Variants in SRD5A2 observed in about 807,000 individuals in gnomAD.
SRD5A2 encodes steroid 5 alpha-reductase 2, also known as 3-oxo-5-alpha-steroid 4-dehydrogenase 2.
SRD5A2 carries 30 observed loss-of-function variants against 27.4 expected under a neutral mutation model. The ratio of observed to expected loss-of-function variants is 1.10; its 90% CI spans 0.82 to 1.49. The LOEUF (loss-of-function observed/expected upper bound fraction) is 1.49, where lower values mean the gene tolerates loss of function less well. Ranked by LOEUF, SRD5A2 falls within the 40% of genes most tolerant of loss-of-function variation. The pLI is 0.00. For synonymous variants in SRD5A2, 141 were observed against 133.6 expected (o/e 1.06, Z -0.38); for missense variants, 348 against 323.4 (o/e 1.08, Z -0.58).
At chr2:31,545,125 A>G (rs28745302) in intron 1 of SRD5A2, among the ~76,000 whole-genome samples, 25,867 of 151,792 alleles carry the variant, frequency 0.17, 2,947 homozygotes, top group African/African-American at 0.33. Context: ...AATTCTACCA[A>G]TAGTAGAAAT....
At chr2:31,618,753 G>A in the SRD5A2 span, among the ~76,000 whole-genome samples, 1 of 152,028 alleles carries the variant, frequency 6.6e-6, no homozygotes, top group Non-Finnish European at 1.5e-5. Flanking sequence ...ATAAGTTTCA[G>A]TAATATATTA....
upstream of SRD5A2, among the ~76,000 whole-genome samples, chr2:31,583,825 C>A (rs975573058): frequency 6.6e-6 from 1 of 151,786 alleles, no homozygotes; most frequent in African/African-American, 2.4e-5. Flanking sequence ...AGGTTTATAT[C>A]GACAGATCCC....
At chr2:31,557,288 TC>T (rs1666517980) in intron 1 of SRD5A2, among the ~76,000 whole-genome samples, 1 of 152,150 alleles carries the variant, frequency 6.6e-6, no homozygotes, top group Non-Finnish European at 1.5e-5. Flanking sequence ...TTTTAAGGGT[TC>T]CCCCAGATGA....
chr2:31,556,625 G>A (rs2148084282), intron 1 of SRD5A2, among the ~76,000 whole-genome samples: 1 of 152,278 alleles, frequency 6.6e-6, no homozygotes, highest in East Asian at 1.9e-4. Context: ...AATGCCAATA[G>A]CCACCAGAAG....
chr2:31,554,352 T>C (rs919668483), intron 1 of SRD5A2, among the ~76,000 whole-genome samples: 1 of 152,206 alleles, frequency 6.6e-6, no homozygotes, highest in Non-Finnish European at 1.5e-5. Context: ...CAGATGGTAC[T>C]TGCCCTACCT....
chr2:31,542,893 G>A (rs888522282), intron 1 of SRD5A2, among the ~76,000 whole-genome samples: 1 of 151,902 alleles, frequency 6.6e-6, no homozygotes, highest in Non-Finnish European at 1.5e-5. Context: ...AAGAAATAAT[G>A]GTGAAAAATT....
intron 1 of SRD5A2, among the ~76,000 whole-genome samples, chr2:31,575,685 T>C (rs1666944901): frequency 6.6e-6 from 1 of 152,202 alleles, no homozygotes; most frequent in South Asian, 2.1e-4. Context: ...GGAATATCTC[T>C]CCGAATTCAA....
At chr2:31,627,847 T>C in the SRD5A2 span, among the ~76,000 whole-genome samples, 1 of 152,114 alleles carries the variant, frequency 6.6e-6, no homozygotes, top group Non-Finnish European at 1.5e-5. Flanking sequence ...GTAAGTATGA[T>C]TTTTTTGTTG....
intron 1 of SRD5A2, among the ~76,000 whole-genome samples, chr2:31,580,168 TC>T (rs1667041319): frequency 6.6e-6 from 1 of 152,080 alleles, no homozygotes; most frequent in African/African-American, 2.4e-5. Context: ...TCTCCCAAGA[TC>T]CCAGAACTAA....
intron 1 of SRD5A2, among the ~76,000 whole-genome samples, chr2:31,551,710 A>G (rs910744254): frequency 3.3e-5 from 5 of 152,172 alleles, no homozygotes; most frequent in Non-Finnish European, 5.9e-5. Context: ...TTCAGGGACC[A>G]TCTGTATACA....
At chr2:31,544,465 A>C (rs2148074282) in intron 1 of SRD5A2, among the ~76,000 whole-genome samples, 1 of 152,098 alleles carries the variant, frequency 6.6e-6, no homozygotes. Flanking sequence ...TTAATGGATC[A>C]AAAGAGAAAG....
At chr2:31,622,725 T>C in the SRD5A2 span, among the ~76,000 whole-genome samples, 1 of 152,094 alleles carries the variant, frequency 6.6e-6, no homozygotes, top group Non-Finnish European at 1.5e-5. Flanking sequence ...CACCATATAG[T>C]GACCATGAAC....
intron 1 of SRD5A2, among the ~76,000 whole-genome samples, chr2:31,536,032 A>C (rs185359064): frequency 1.2e-3 from 177 of 152,300 alleles, no homozygotes; most frequent in Admixed American, 2.4e-3. Flanking sequence ...GTTTTATGAG[A>C]ATCATTGGAT....
At chr2:31,543,440 G>A (rs1666178972) in intron 1 of SRD5A2, among the ~76,000 whole-genome samples, 1 of 152,156 alleles carries the variant, frequency 6.6e-6, no homozygotes. Flanking sequence ...TTTGTGTTCT[G>A]TACATGATTT....
chr2:31,609,955 GC>G, the SRD5A2 span, among the ~76,000 whole-genome samples: 1 of 151,968 alleles, frequency 6.6e-6, no homozygotes, highest in Non-Finnish European at 1.5e-5. Flanking sequence ...CCTGCAACCT[GC>G]CAAGACTGAA....
At chr2:31,584,543 G>C (rs1287564124), upstream of SRD5A2, among the ~76,000 whole-genome samples, 1 of 152,072 alleles carries the variant, frequency 6.6e-6, no homozygotes, top group Non-Finnish European at 1.5e-5. Flanking sequence ...CAAGTTCAAG[G>C]TTACGTAAGC....
chr2:31,574,556 A>G (rs576325538), intron 1 of SRD5A2, among the ~76,000 whole-genome samples: 2 of 152,318 alleles, frequency 1.3e-5, no homozygotes, highest in South Asian at 2.1e-4. Flanking sequence ...AAACATAGCT[A>G]TATATTTTTC....
chr2:31,528,899 C>T (rs1665838481), intron 4 of SRD5A2, among the ~76,000 whole-genome samples: 1 of 152,212 alleles, frequency 6.6e-6, no homozygotes, highest in East Asian at 1.9e-4. Context: ...GAAATGGAAG[C>T]GGCTTCTTCC....
chr2:31,566,693 C>T (rs1666736099), intron 1 of SRD5A2, among the ~76,000 whole-genome samples: 1 of 152,140 alleles, frequency 6.6e-6, no homozygotes, highest in Non-Finnish European at 1.5e-5. Flanking sequence ...TGGGGGAGAT[C>T]TCACACACGA....
Sources: gnomAD v4.1 joint callset for allele counts (sites outside exome capture counted in the v4.1 genomes callset) on GRCh38, gnomAD v4.1.1 for gene constraint, MANE v1.5 for transcripts, NCBI Gene and HGNC (gene_info 2026-07-23, HGNC 2026-07-21) for gene names.